The following GALNT9 variants were observed in gnomAD, a reference collection of about 807,000 sequenced individuals.
GALNT9 encodes the protein polypeptide N-acetylgalactosaminyltransferase 9, also known as GalNAc transferase 9.
Under a neutral mutation model 63.1 loss-of-function variants are expected in GALNT9, and 47 were observed. That is an observed-to-expected ratio of 0.75 (90% confidence interval 0.59 to 0.95). The LOEUF (loss-of-function observed/expected upper bound fraction) is 0.95, where lower values mean the gene tolerates loss of function less well. Ranked by LOEUF, GALNT9 falls within the 40% of genes least tolerant of loss-of-function variation. The pLI, the probability that GALNT9 is intolerant of heterozygous loss-of-function variation, is 0.00. For synonymous variants in GALNT9, 396 were observed against 365.7 expected (o/e 1.08, Z -0.94); for missense variants, 829 against 874.8 (o/e 0.95, Z 0.66).
chr12:132,328,849 T>G (rs892480602), intron 1 of GALNT9, 117 bp downstream of exon 1: 8 of 1,248,616 alleles, frequency 6.4e-6, no homozygotes, highest in Non-Finnish European at 8.5e-6. Flanking sequence ...TCCTGTATAT[T>G]CCCTCCCACA....
intron 1 of GALNT9, among the ~76,000 whole-genome samples, chr12:132,306,230 A>G (rs28780968): frequency 0.79 from 120,522 of 152,200 alleles, 47,903 homozygotes; most frequent in East Asian, 1. Context: ...GGGCGCCGGC[A>G]CCTGCCCGGG....
chr12:132,229,649 C>T (rs1393436510), intron 6 of GALNT9, among the ~76,000 whole-genome samples: 1 of 152,230 alleles, frequency 6.6e-6, no homozygotes, highest in Non-Finnish European at 1.5e-5. Context: ...CCCCACCCTT[C>T]TCGGGCCACA....
At chr12:132,197,750 G>GCCCCCCCCCCACCCCCC in intron 10 of GALNT9, 42 bp downstream of exon 10, 33 of 1,266,346 alleles carry the variant, frequency 2.6e-5, no homozygotes, top group East Asian at 7.8e-5. Context: ...CAGCAGCCCT[G>GCCCCCCCCCCACCCCCC]CCCCGCCCCA....
chr12:132,219,192 T>C (rs975001060), intron 6 of GALNT9, among the ~76,000 whole-genome samples: 2 of 152,090 alleles, frequency 1.3e-5, no homozygotes, highest in African/African-American at 4.8e-5. Flanking sequence ...GCTTCTGTCC[T>C]CAAACAGATG....
chr12:132,219,723 A>T (rs1360742417), intron 6 of GALNT9, among the ~76,000 whole-genome samples: 1 of 143,626 alleles, frequency 7.0e-6, no homozygotes, highest in Non-Finnish European at 1.5e-5. Context: ...ACACCTCCCC[A>T]GGGTGACACC....
At position 132,315,229 on chromosome 12, in the gene GALNT9, G is replaced by T. The variant is rs1159833953; in HGVS notation, c.238+13737C>A. Among the ~76,000 whole-genome samples, 1 of 152,046 alleles carries T rather than the reference G, an allele frequency of 6.6e-6. No individual in the cohort carries two copies. The highest frequency in any genetic ancestry group is 1.5e-5 in the Non-Finnish European group (1 of 68,010). On this transcript the variant is annotated intron_variant, in intron 1 of 10. Transcript: ENST00000328957. This position sits in a 1 kb window ranked among gnomAD's most constrained non-coding sequence, Gnocchi z 6.1. Reference sequence around the variant, plus strand: ...GCCTCCCCCGTGTCCACTGCAAAGTGCTGGAGCCTCAGAATATAATCAGGG... The same window carrying T: ...GCCTCCCCCGTGTCCACTGCAAAGTTCTGGAGCCTCAGAATATAATCAGGG...
At chr12:132,304,515 G>A (rs1479646101) in intron 1 of GALNT9, among the ~76,000 whole-genome samples, 75 of 22,238 alleles carry the variant, frequency 3.4e-3, no homozygotes, top group East Asian at 0.013. Flanking sequence ...GCACACCCTC[G>A]CCCGGACACA....
intron 2 of GALNT9, chr12:132,283,400 C>G (rs1202132199): frequency 6.6e-6 from 1 of 152,354 alleles, no homozygotes; most frequent in Non-Finnish European, 1.5e-5. Flanking sequence ...TCAGATGGCT[C>G]TGATGTTTCC....
intron 9 of GALNT9, among the ~76,000 whole-genome samples, chr12:132,198,173 G>A (rs960158615): frequency 2.0e-5 from 3 of 152,362 alleles, no homozygotes; most frequent in Non-Finnish European, 2.9e-5. Context: ...ATGCTCCGCA[G>A]GGCCAGGCTC....
Position 132,245,769 on chromosome 12 carries a change from C to A in GALNT9, c.1077+2141G>T, listed in dbSNP as rs1878685922. Among the ~76,000 whole-genome samples the A allele has an allele frequency of 6.6e-6, 1 of 152,252 alleles. No homozygotes were observed. Among genetic ancestry groups the A allele is most frequent in the African/African-American group, 2.4e-5 (1 of 41,470 alleles). ...AGCCTCCTGGGACCTCCTCTCACTG[C>A]AGCTGGGTTTGGCCCACGGGAGCCG... On this transcript the variant is annotated intron_variant, in intron 6 of 10. Coordinates refer to ENST00000328957, the MANE Select transcript of GALNT9 (RefSeq NM_001122636.2). The surrounding 1 kb of genome is among the most constrained non-coding windows in gnomAD (Gnocchi z 6.3).
chr12:132,312,269 T>G (rs1881840775), intron 1 of GALNT9, among the ~76,000 whole-genome samples: 1 of 152,244 alleles, frequency 6.6e-6, no homozygotes, highest in Admixed American at 6.5e-5. Context: ...TGAATATTTA[T>G]GGGGCCAAAG....
chr12:132,230,735 G>C (rs1329891835), intron 6 of GALNT9, among the ~76,000 whole-genome samples: 1 of 152,250 alleles, frequency 6.6e-6, no homozygotes. Context: ...GGAGGGGCTG[G>C]CTGACGTGTG....
chr12:132,251,080 T>C (rs1878898980), intron 5 of GALNT9, among the ~76,000 whole-genome samples: 1 of 152,142 alleles, frequency 6.6e-6, no homozygotes, highest in Non-Finnish European at 1.5e-5. Flanking sequence ...TAACGCACAC[T>C]GAAACCTCGC....
At chr12:132,230,771 G>C (rs951100406) in intron 6 of GALNT9, among the ~76,000 whole-genome samples, 26 of 152,368 alleles carry the variant, frequency 1.7e-4, no homozygotes, top group African/African-American at 6.3e-4. Context: ...GCTGAGGTAT[G>C]TGTTAACGGG....
At chr12:132,237,376 G>A (rs913964720) in intron 6 of GALNT9, among the ~76,000 whole-genome samples, 1 of 151,376 alleles carries the variant, frequency 6.6e-6, no homozygotes, top group Non-Finnish European at 1.5e-5. Flanking sequence ...TCTGACATCT[G>A]CTTATACCGT....
At chr12:132,249,005 C>A (rs1475232916) in intron 5 of GALNT9, among the ~76,000 whole-genome samples, 4 of 152,190 alleles carry the variant, frequency 2.6e-5, no homozygotes, top group African/African-American at 9.7e-5. Flanking sequence ...GGCCACGCGA[C>A]GTGCGAGCTC....
At chr12:132,306,004 G>T (rs1426248429) in intron 1 of GALNT9, among the ~76,000 whole-genome samples, 16 of 152,128 alleles carry the variant, frequency 1.1e-4, no homozygotes, top group Non-Finnish European at 4.4e-5. Flanking sequence ...CCACCCTCAG[G>T]ACAGGGGGGC....
intron 6 of GALNT9, among the ~76,000 whole-genome samples, chr12:132,219,706 GGAAGGGACACC>G (rs1877364904): frequency 6.9e-6 from 1 of 145,584 alleles, no homozygotes; most frequent in East Asian, 2.1e-4. Flanking sequence ...CCGGGTAAGG[GGAAGGGACACC>G]TCCCCAGGGT....
At chr12:132,243,426 T>TGGTGGGGGCCCCAGTCCTCCCCGTCC (rs1565997437) in intron 6 of GALNT9, among the ~76,000 whole-genome samples, 15 of 142,514 alleles carry the variant, frequency 1.1e-4, no homozygotes, top group South Asian at 2.4e-4. Context: ...CCTCCTCGTC[T>TGGTGGGGGCCCCAGTCCTCCCCGTCC]TCCGGAGCTC....
Sources: gnomAD v4.1 joint callset for allele counts (sites outside exome capture counted in the v4.1 genomes callset) on GRCh38, gnomAD v4.1.1 for gene constraint, Gnocchi (gnomAD v3.1) non-coding constraint, MANE v1.5 for transcripts, NCBI Gene and HGNC (gene_info 2026-07-23, HGNC 2026-07-21) for gene names.